The following ROS1 variants were observed in gnomAD, a reference collection of about 807,000 sequenced individuals.
ROS1 encodes the protein proto-oncogene tyrosine-protein kinase ROS.
A neutral mutation model predicts 273.5 loss-of-function variants in ROS1; 263 were observed. That is an observed-to-expected ratio of 0.96 (90% CI 0.87 to 1.06). The LOEUF is 1.06. Among genes scored for constraint, ROS1 ranks in the 50% least tolerant of loss-of-function variants. ROS1 has a pLI of 0.00. For missense variants in ROS1, 2,833 were observed against 2,751.1 expected (o/e 1.03, Z -0.67); for synonymous variants, 1,008 against 954.1 (o/e 1.06, Z -1.04).
chr6:117,415,415 A>G (rs1335725527), intron 3 of ROS1, among the ~76,000 whole-genome samples: 1 of 152,232 alleles, frequency 6.6e-6, no homozygotes, highest in East Asian at 1.9e-4. Context: ...ATAGAAAATG[A>G]CATTAGGATT....
chr6:117,321,390 C>A lies in ROS1; in HGVS notation c.5628G>T (p.Trp1876Cys), dbSNP rs779681565. ...LVVTIPLTFVWHRRLKNQKSA... is the reference protein window; with the variant it reads ...LVVTIPLTFVCHRRLKNQKSA... ...TTTTTTGATTCTTTAATCTTCTATGCCAGACTATAAAGGAAAAAATGACAT... is the reference window on the plus strand; with the variant it reads ...TTTTTTGATTCTTTAATCTTCTATGACAGACTATAAAGGAAAAAATGACAT... Residue 1876 changes from tryptophan to cysteine, a missense_variant, in exon 36 of 44, where the codon TGG (tryptophan) becomes TGT (cysteine). Trp to Cys is a radical substitution (Grantham distance 215, BLOSUM62 -2). Coordinates refer to ENST00000368507, the MANE Select transcript of ROS1 (RefSeq NM_001378902.1). 6.2e-7 allele frequency: 1 copy of A among 1,601,948 alleles called. No individual in the cohort carries two copies. Among genetic ancestry groups the A allele is most frequent in the Non-Finnish European group, 8.5e-7 (1 of 1,176,068 alleles).
intron 27 of ROS1, among the ~76,000 whole-genome samples, chr6:117,348,646 G>T (rs761872976): frequency 3.3e-5 from 5 of 151,042 alleles, no homozygotes; most frequent in Non-Finnish European, 5.9e-5. Flanking sequence ...TATTATTTGG[G>T]ACTTAATTTA....
intron 32 of ROS1, among the ~76,000 whole-genome samples, chr6:117,330,448 C>G (rs1389487959): frequency 6.6e-6 from 1 of 152,216 alleles, no homozygotes; most frequent in African/African-American, 2.4e-5. Flanking sequence ...CACAGCAAAA[C>G]ACACCCTCTC....
At chr6:117,377,820 A>G (rs1781460804) in intron 18 of ROS1, among the ~76,000 whole-genome samples, 1 of 152,206 alleles carries the variant, frequency 6.6e-6, no homozygotes. Flanking sequence ...GTGCTTATAT[A>G]CAGAACAACC....
At chr6:117,290,367 T>A (rs1773750661) in intron 43 of ROS1, among the ~76,000 whole-genome samples, 1 of 152,230 alleles carries the variant, frequency 6.6e-6, no homozygotes, top group Non-Finnish European at 1.5e-5. Flanking sequence ...AATTAGTACA[T>A]CTTCTTGTTG....
rs562360758 is a variant in ROS1 at position 117,337,458 on chromosome 6, A to G, written c.5062-118T>C. 68 of 744,618 alleles carry G rather than the reference A, an allele frequency of 9.1e-5. No homozygotes were observed. The African/African-American group carries it at 1.0e-3, about 11-fold the overall frequency. The allele number at this position is 744,618 out of a possible 1,614,324, so 46.1% of individuals were successfully genotyped here. A position where few individuals can be genotyped will look rare whatever the true frequency, so the allele number is the denominator to read the frequency against. Reference sequence around the variant, plus strand: ...TTTAAGCATTCTTTTCTATTAAAGAATAAGAACTTCTTTATGAATGATCCC... The same window carrying G: ...TTTAAGCATTCTTTTCTATTAAAGAGTAAGAACTTCTTTATGAATGATCCC... On this transcript the variant is annotated intron_variant, in intron 31 of 43. Transcript: ENST00000368507.
chr6:117,344,078 G>A lies in ROS1; in HGVS notation c.4488C>T (p.Asp1496=). Residue 1496 remains aspartate, a synonymous_variant, in exon 28 of 44, where the codon GAC becomes GAT. Coordinates refer to ENST00000368507, the MANE Select transcript of ROS1 (RefSeq NM_001378902.1). ...AEVNDRKNSS[D]LKYRILEFQD... ...ATCTTACCAGAATTCTATATTTCAA[G>A]TCAGAGCTGTTTTTCCTGTCATTAA... 1 of 1,613,226 alleles carries A rather than the reference G, an allele frequency of 6.2e-7. No individual in the cohort carries two copies. The highest frequency in any genetic ancestry group is 8.5e-7 in the Non-Finnish European group (1 of 1,179,302).
chr6:117,393,230 T>C lies in ROS1; in HGVS notation c.1283A>G (p.Tyr428Cys), dbSNP rs1279524577. 2.5e-6 allele frequency: 4 copies of C among 1,575,292 alleles called. No homozygotes were observed. Among genetic ancestry groups the C allele is most frequent in the African/African-American group, 1.3e-5 (1 of 74,182 alleles). Residue 428 changes from tyrosine to cysteine, a missense_variant, in exon 12 of 44, where the codon TAC becomes TGC. Physicochemically the swap from Tyr to Cys is radical, Grantham distance 194. Transcript: ENST00000368507. ...TTACAAGGCTAACACATACCCATTG[T>C]ATGAATCAGCCACAATTTTTTGAGG... ...SAPQKIVADS[Y>C]NGYVFYLLRD...
At chr6:117,398,670 C>T (rs958480398) in intron 7 of ROS1, among the ~76,000 whole-genome samples, 5 of 131,122 alleles carry the variant, frequency 3.8e-5, no homozygotes, top group Admixed American at 3.8e-4. Context: ...CAGAGTGAGA[C>T]CTTGTCTCAA....
chr6:117,319,223 A>G (rs1303743241), intron 37 of ROS1, among the ~76,000 whole-genome samples: 1 of 152,168 alleles, frequency 6.6e-6, no homozygotes, highest in African/African-American at 2.4e-5. Context: ...TAAGTATACT[A>G]TGATAAATAA....
intron 5 of ROS1, among the ~76,000 whole-genome samples, chr6:117,405,829 T>A (rs1452013454): frequency 6.6e-6 from 1 of 152,146 alleles, no homozygotes; most frequent in African/African-American, 2.4e-5. Flanking sequence ...TTCAGAGATA[T>A]CCCTTACCAG....
chr6:117,323,601 T>C (rs1321040968), intron 35 of ROS1, among the ~76,000 whole-genome samples: 1 of 152,162 alleles, frequency 6.6e-6, no homozygotes, highest in Non-Finnish European at 1.5e-5. Flanking sequence ...TATTATTATT[T>C]GTGCTGAAAC....
intron 22 of ROS1, among the ~76,000 whole-genome samples, chr6:117,361,472 G>A (rs1177246677): frequency 6.7e-6 from 1 of 148,442 alleles, no homozygotes; most frequent in Admixed American, 6.7e-5. Flanking sequence ...TGTGTTAAAT[G>A]AAACTCATAC....
intron 41 of ROS1, among the ~76,000 whole-genome samples, chr6:117,309,707 T>A (rs1775388450): frequency 6.6e-6 from 1 of 152,126 alleles, no homozygotes; most frequent in African/African-American, 2.4e-5. Context: ...TTTAAATCCA[T>A]GATTTAAAGT....
chr6:117,360,018 G>A lies in ROS1; in HGVS notation c.3431-7C>T, dbSNP rs1779657665. Reference sequence around the variant, plus strand: ...TGAGGAAATGGGTTGATTTCTGAAAGCAAAAAAACATGTAGATAATATGCA... The same window carrying A: ...TGAGGAAATGGGTTGATTTCTGAAAACAAAAAAACATGTAGATAATATGCA... On this transcript the variant is annotated splice_polypyrimidine_tract_variant and splice_region_variant and intron_variant, in intron 23 of 43. Coordinates refer to ENST00000368507, the MANE Select transcript of ROS1 (RefSeq NM_001378902.1). 1 of 1,607,030 alleles carries A rather than the reference G, an allele frequency of 6.2e-7. No individual in the cohort carries two copies. The highest frequency in any genetic ancestry group is 8.5e-7 in the Non-Finnish European group (1 of 1,175,624).
At chr6:117,417,078 G>A (rs1034322181) in intron 2 of ROS1, among the ~76,000 whole-genome samples, 3 of 152,060 alleles carry the variant, frequency 2.0e-5, no homozygotes. Context: ...TCAGCTTCAA[G>A]TAATCTGGAT....
At chr6:117,317,702 T>C (rs1007830532) in intron 38 of ROS1, among the ~76,000 whole-genome samples, 1 of 152,132 alleles carries the variant, frequency 6.6e-6, no homozygotes, top group South Asian at 2.1e-4. Flanking sequence ...CCCAACCTAA[T>C]AATTGGAACC....
chr6:117,420,594 T>A (rs139649735), intron 1 of ROS1, among the ~76,000 whole-genome samples: 3,071 of 147,614 alleles, frequency 0.021, 104 homozygotes, highest in African/African-American at 0.072. Context: ...AATAAAATTT[T>A]AAATAATAAT....
intron 18 of ROS1, among the ~76,000 whole-genome samples, chr6:117,378,510 A>T (rs899001338): frequency 6.6e-5 from 10 of 152,344 alleles, no homozygotes; most frequent in African/African-American, 2.4e-4. Context: ...GCATTTGTCT[A>T]AACTGATGTA....
Sources: allele counts gnomAD v4.1 joint callset (sites outside exome capture counted in the v4.1 genomes callset), GRCh38; gene constraint gnomAD v4.1.1; transcripts MANE v1.5; gene names NCBI Gene and HGNC (gene_info 2026-07-23, HGNC 2026-07-21).